Variants in SMYD3 observed in about 807,000 individuals in gnomAD.
SMYD3 encodes SET and MYND domain containing 3, also known as histone-lysine N-methyltransferase SMYD3.
A neutral mutation model predicts 57.7 loss-of-function variants in SMYD3; 36 were observed. The ratio of observed to expected loss-of-function variants is 0.62; its 90% CI spans 0.48 to 0.82. The LOEUF is 0.82. Ranked by LOEUF, SMYD3 falls within the 40% of genes least tolerant of loss-of-function variation. The pLI is 0.00. For synonymous variants in SMYD3, 211 were observed against 195.0 expected (o/e 1.08, Z -0.68); for missense variants, 515 against 538.8 (o/e 0.96, Z 0.44).
At chr1:245,827,899 G>C (rs945705027) in intron 10 of SMYD3, among the ~76,000 whole-genome samples, 2 of 152,190 alleles carry the variant, frequency 1.3e-5, no homozygotes, top group Admixed American at 6.5e-5. Context: ...GTCCTCTCCT[G>C]CTGCTGAGCC....
At chr1:245,891,613 G>A (rs542907000) in intron 8 of SMYD3, among the ~76,000 whole-genome samples, 1 of 152,334 alleles carries the variant, frequency 6.6e-6, no homozygotes, top group South Asian at 2.1e-4. Context: ...GGAACTGTAG[G>A]GGTGAAGAGG....
In SMYD3 at chr1:246,507,238, T is replaced by C. The variant is rs1278401104; in HGVS notation, c.-21A>G. On this transcript the variant is annotated 5_prime_UTR_variant, in exon 1 of 12. Transcript: ENST00000490107. ...TCCATCCTCCCGCAGCTCCGGCACC[T>C]CAGACGGCTACCCGCGTCCAGCAGC... 2 of 1,493,844 alleles carry C rather than the reference T, an allele frequency of 1.3e-6. No homozygotes were observed. Among genetic ancestry groups the C allele is most frequent in the Non-Finnish European group, 1.8e-6 (2 of 1,116,850 alleles). The allele number at this position is 1,493,844 out of a possible 1,614,324, so 92.5% of individuals were successfully genotyped here. A position where few individuals can be genotyped will look rare whatever the true frequency, so the allele number is the denominator to read the frequency against.
intron 1 of SMYD3, among the ~76,000 whole-genome samples, chr1:246,454,980 T>C (rs77477225): frequency 0.017 from 2,652 of 152,274 alleles, 35 homozygotes; most frequent in Non-Finnish European, 0.024. Context: ...CACTCTACAA[T>C]ACAACAAATT....
chr1:246,181,100 G>A (rs763065503), intron 5 of SMYD3, among the ~76,000 whole-genome samples: 17 of 152,136 alleles, frequency 1.1e-4, no homozygotes, highest in Admixed American at 9.2e-4. Flanking sequence ...GGAACCATGC[G>A]CCTCTGGGAT....
At chr1:246,383,571 G>A (rs2066424208) in intron 1 of SMYD3, among the ~76,000 whole-genome samples, 3 of 152,146 alleles carry the variant, frequency 2.0e-5, no homozygotes, top group African/African-American at 7.2e-5. Flanking sequence ...AAGCCTCTTT[G>A]GTTTAAAAAT....
chr1:246,431,069 AG>A (rs1304215446), intron 1 of SMYD3, among the ~76,000 whole-genome samples: 2 of 152,210 alleles, frequency 1.3e-5, no homozygotes, highest in Non-Finnish European at 2.9e-5. Flanking sequence ...TAGTCCACAC[AG>A]GGAGGTCAGA....
At chr1:246,094,391 T>C (rs1295652536) in intron 5 of SMYD3, among the ~76,000 whole-genome samples, 1 of 152,184 alleles carries the variant, frequency 6.6e-6, no homozygotes, top group Admixed American at 6.5e-5. Context: ...ATAGGTTAAG[T>C]AACTTTCTTA....
At chr1:246,325,417 T>G (rs892060552) in intron 5 of SMYD3, among the ~76,000 whole-genome samples, 2 of 152,022 alleles carry the variant, frequency 1.3e-5, no homozygotes, top group African/African-American at 4.8e-5. Flanking sequence ...ATTGGCTGCT[T>G]TCATCTGATT....
intron 5 of SMYD3, among the ~76,000 whole-genome samples, chr1:246,061,841 C>A (rs1383277243): frequency 6.6e-6 from 1 of 152,140 alleles, no homozygotes; most frequent in Non-Finnish European, 1.5e-5. Flanking sequence ...CCTTGATAGA[C>A]CGGCACTATT....
chr1:245,888,489 A>G (rs759540890), intron 8 of SMYD3, among the ~76,000 whole-genome samples: 2 of 152,200 alleles, frequency 1.3e-5, no homozygotes, highest in Admixed American at 1.3e-4. Flanking sequence ...ACAGTGCTTT[A>G]TCAAAAGAGC....
chr1:246,022,311 A>C (rs1192567102), intron 5 of SMYD3, among the ~76,000 whole-genome samples: 2 of 152,206 alleles, frequency 1.3e-5, no homozygotes, highest in African/African-American at 2.4e-5. Context: ...GAAGATGTTC[A>C]TTACAGAAAT....
intron 10 of SMYD3, among the ~76,000 whole-genome samples, chr1:245,801,028 C>T (rs1201920753): frequency 6.6e-6 from 1 of 152,174 alleles, no homozygotes; most frequent in Non-Finnish European, 1.5e-5. Flanking sequence ...GTTGAAACAG[C>T]CCTCTAGATA....
chr1:246,031,180 G>C (rs1365237455), intron 5 of SMYD3, among the ~76,000 whole-genome samples: 1 of 152,012 alleles, frequency 6.6e-6, no homozygotes, highest in Non-Finnish European at 1.5e-5. Context: ...ATTATACAGG[G>C]TTTTCATAGG....
intron 1 of SMYD3, among the ~76,000 whole-genome samples, chr1:246,505,283 G>A (rs1245825240): frequency 7.7e-6 from 1 of 129,956 alleles, no homozygotes; most frequent in Non-Finnish European, 1.7e-5. Context: ...GCTAAATACC[G>A]TCTCAACCTC....
chr1:246,020,116 C>T (rs12091655), intron 5 of SMYD3, among the ~76,000 whole-genome samples: 4,401 of 152,308 alleles, frequency 0.029, 219 homozygotes, highest in African/African-American at 0.099. Context: ...TCCGTCTGAA[C>T]GTAATCCTGT....
chr1:246,004,647 T>C (rs1284563459), intron 5 of SMYD3, among the ~76,000 whole-genome samples: 2 of 152,192 alleles, frequency 1.3e-5, no homozygotes, highest in Non-Finnish European at 2.9e-5. Flanking sequence ...CAGGCTTTCA[T>C]CCAGCTTCCT....
At chr1:246,147,279 T>C (rs2061862982) in intron 5 of SMYD3, among the ~76,000 whole-genome samples, 1 of 152,108 alleles carries the variant, frequency 6.6e-6, no homozygotes, top group East Asian at 1.9e-4. Context: ...TCGATATTTA[T>C]TGCTGGAGAA....
At chr1:246,503,734 G>A (rs1293491632) in intron 1 of SMYD3, among the ~76,000 whole-genome samples, 1 of 152,090 alleles carries the variant, frequency 6.6e-6, no homozygotes, top group African/African-American at 2.4e-5. Context: ...AGGCTGAGGC[G>A]GGTAGATCAC....
At chr1:246,269,351 T>C (rs539016955) in intron 5 of SMYD3, among the ~76,000 whole-genome samples, 6 of 152,294 alleles carry the variant, frequency 3.9e-5, no homozygotes, top group Non-Finnish European at 7.4e-5. Context: ...CTTAACATTA[T>C]GACACTGATA....
Sources: gnomAD v4.1 joint callset for allele counts (sites outside exome capture counted in the v4.1 genomes callset) on GRCh38, gnomAD v4.1.1 for gene constraint, MANE v1.5 for transcripts, NCBI Gene and HGNC (gene_info 2026-07-23, HGNC 2026-07-21) for gene names.